The following HSCB variants were observed in gnomAD, a reference collection of about 807,000 sequenced individuals.
HSCB encodes HscB mitochondrial iron-sulfur cluster cochaperone.
A neutral mutation model predicts 31.3 loss-of-function variants in HSCB; 23 were observed. That is an observed-to-expected ratio of 0.74 (90% CI 0.53 to 1.04). The LOEUF (loss-of-function observed/expected upper bound fraction) is 1.04, where lower values mean the gene tolerates loss of function less well. HSCB is among the 50% of genes least tolerant of loss of function. HSCB has a pLI of 0.00. For synonymous variants in HSCB, 110 were observed against 104.5 expected, an observed-to-expected ratio of 1.05 and a Z score of -0.32; for missense variants, 297 against 288.1, an observed-to-expected ratio of 1.03 and a Z score of -0.22.
intron 4 of HSCB, among the ~76,000 whole-genome samples, chr22:28,748,389 A>G (rs1433015003): frequency 6.6e-6 from 1 of 152,132 alleles, no homozygotes; most frequent in Non-Finnish European, 1.5e-5. Context: ...TTTCCAAGCT[A>G]CCATTCACTC....
Position 28,745,987 on chromosome 22 carries a change from G to T in HSCB, c.547G>T (p.Glu183Ter), listed in dbSNP as rs769939307. ...AEAESEAAMK[E>*]IESIVKAKQK... ...AGCTGAAAGTGAAGCTGCCATGAAA[G>T]AGATTGAATCCATTGTCAAAGGTGA... The change falls in exon 4 of 6, where the codon GAG becomes TAG. Residue 183 changes from glutamate (E) to a stop codon, truncating the protein, a stop_gained. Transcript: ENST00000216027. LOFTEE classifies it high-confidence loss of function. 6.2e-7 allele frequency: 1 copy of T among 1,612,328 alleles called. No individual in the cohort carries two copies. The highest frequency in any genetic ancestry group is 1.3e-5 in the African/African-American group (1 of 74,836).
chr22:28,751,120 C>T (rs1440862345), intron 4 of HSCB, 121 bp from the exon 5 acceptor site: 2 of 640,286 alleles, frequency 3.1e-6, no homozygotes, highest in Non-Finnish European at 5.6e-6. Flanking sequence ...AAGCCTTACC[C>T]TTGAATACAA....
At chr22:28,743,004 G>C (rs2054610116) in intron 1 of HSCB, among the ~76,000 whole-genome samples, 1 of 152,036 alleles carries the variant, frequency 6.6e-6, no homozygotes, top group Admixed American at 6.6e-5. Flanking sequence ...AACCGGGAGA[G>C]ACAGGGATGA....
intron 4 of HSCB, among the ~76,000 whole-genome samples, chr22:28,746,657 T>A (rs1243346437): frequency 6.6e-6 from 1 of 151,664 alleles, no homozygotes; most frequent in African/African-American, 2.4e-5. Context: ...CCCAGCACTT[T>A]GGGAGGCCAA....
At chr22:28,753,927 A>G (rs943787956) in intron 5 of HSCB, among the ~76,000 whole-genome samples, 2 of 151,590 alleles carry the variant, frequency 1.3e-5, no homozygotes, top group African/African-American at 2.4e-5. Flanking sequence ...GGCAGATCAC[A>G]AGGTCAAGAG....
chr22:28,755,176 C>T (rs1044303120), intron 5 of HSCB, among the ~76,000 whole-genome samples: 11 of 149,904 alleles, frequency 7.3e-5, no homozygotes, highest in Middle Eastern at 3.5e-3. Context: ...TTTGGGAGGC[C>T]GAGGCGGGCG....
At chr22:28,749,392 T>C (rs1324476088) in intron 4 of HSCB, among the ~76,000 whole-genome samples, 2 of 152,160 alleles carry the variant, frequency 1.3e-5, no homozygotes, top group Admixed American at 1.3e-4. Context: ...CTGAAGGCAA[T>C]CATCACTTCC....
intron 5 of HSCB, among the ~76,000 whole-genome samples, chr22:28,756,425 A>C (rs2146228993): frequency 6.7e-6 from 1 of 149,152 alleles, no homozygotes. Context: ...TCAGTATACC[A>C]CCACATGTTA....
chr22:28,747,585 G>A (rs2029921008), intron 4 of HSCB, among the ~76,000 whole-genome samples: 1 of 152,156 alleles, frequency 6.6e-6, no homozygotes, highest in Admixed American at 6.6e-5. Context: ...TTACAGGTGT[G>A]ACTCAATGTG....
intron 1 of HSCB, chr22:28,742,645 GGAAGGA>G (rs1466762260): frequency 2.3e-6 from 1 of 431,034 alleles, no homozygotes; most frequent in African/African-American, 2.0e-5. Context: ...TACGGGAAAG[GGAAGGA>G]GAAGTCGAGG....
Position 28,757,454 on chromosome 22 carries a change from C to A in HSCB, c.*285C>A. The A allele has an allele frequency of 4.2e-6, 1 of 237,772 alleles. No individual in the cohort carries two copies. Among genetic ancestry groups the A allele is most frequent in the Non-Finnish European group, 8.2e-6 (1 of 122,360 alleles). The allele number at this position is 237,772 out of a possible 1,614,324, so 14.7% of individuals were successfully genotyped here. On this transcript the variant is annotated 3_prime_UTR_variant, in exon 6 of 6. Coordinates refer to ENST00000216027, the MANE Select transcript of HSCB (RefSeq NM_172002.5). ...GAGCAGAGATCACGCAACTGCACTC[C>A]AGCTTGGGCAACAGAGTGAGACTTA...
chr22:28,742,543 G>T, intron 1 of HSCB: 1 of 853,704 alleles, frequency 1.2e-6, no homozygotes, highest in Non-Finnish European at 1.7e-6. Flanking sequence ...GTGTGGAGAA[G>T]GGAGACGAAC....
chr22:28,742,048 C>T lies in HSCB; in HGVS notation c.-48C>T. 1 of 1,560,224 alleles carries T rather than the reference C, an allele frequency of 6.4e-7. No individual in the cohort carries two copies. Among genetic ancestry groups the T allele is most frequent in the Non-Finnish European group, 8.7e-7 (1 of 1,154,762 alleles). On this transcript the variant is annotated 5_prime_UTR_variant, in exon 1 of 6. Coordinates refer to ENST00000216027, the MANE Select transcript of HSCB (RefSeq NM_172002.5). ...CAACATTAGTCTGGTTAGACGCTCT[C>T]TTTGCTTTTCCCCACGAGTGACCAC...
chr22:28,742,040 G>A lies in HSCB; in HGVS notation c.-56G>A, dbSNP rs1164577336. The A allele has an allele frequency of 6.5e-7, 1 of 1,544,078 alleles. No individual in the cohort carries two copies. The highest frequency in any genetic ancestry group is 2.4e-5 in the East Asian group (1 of 41,730). The stretch of plus-strand genomic sequence containing the variant: ...CCAATCAGCAACATTAGTCTGGTTA[G>A]ACGCTCTCTTTGCTTTTCCCCACGA... On this transcript the variant is annotated 5_prime_UTR_variant, in exon 1 of 6. Coordinates refer to ENST00000216027, the MANE Select transcript of HSCB (RefSeq NM_172002.5).
At chr22:28,749,106 A>T (rs1023065073) in intron 4 of HSCB, among the ~76,000 whole-genome samples, 4 of 151,194 alleles carry the variant, frequency 2.6e-5, no homozygotes, top group Admixed American at 6.6e-5. Context: ...GCACCATTGC[A>T]CTCCAGTTTC....
intron 4 of HSCB, among the ~76,000 whole-genome samples, chr22:28,748,269 A>G (rs1241914347): frequency 6.6e-6 from 1 of 152,208 alleles, no homozygotes; most frequent in Non-Finnish European, 1.5e-5. Context: ...AGGAGGCCTT[A>G]ACAACCTTCT....
At chr22:28,750,572 A>G (rs751039741) in intron 4 of HSCB, among the ~76,000 whole-genome samples, 2 of 152,138 alleles carry the variant, frequency 1.3e-5, no homozygotes, top group Non-Finnish European at 1.5e-5. Flanking sequence ...CCATGGGACA[A>G]TTCCCCCAAT....
chr22:28,751,606 G>A (rs2030261260), intron 5 of HSCB, among the ~76,000 whole-genome samples: 1 of 152,112 alleles, frequency 6.6e-6, no homozygotes. Flanking sequence ...TTAACTGGGT[G>A]TGGTGGCACA....
intron 1 of HSCB, 65 bp downstream of exon 1, chr22:28,742,396 G>A (rs1452807185): frequency 6.3e-7 from 1 of 1,579,318 alleles, no homozygotes; most frequent in Non-Finnish European, 8.6e-7. Context: ...GCCTGCGAGA[G>A]GGGAGGACGG....
Sources: allele counts gnomAD v4.1 joint callset (sites outside exome capture counted in the v4.1 genomes callset), GRCh38; gene constraint gnomAD v4.1.1; transcripts MANE v1.5; gene names NCBI Gene and HGNC (gene_info 2026-07-23, HGNC 2026-07-21).